SYNE1: variants seen among roughly 807,000 people sequenced by gnomAD.
SYNE1 encodes spectrin repeat containing nuclear envelope protein 1.
SYNE1 carries 616 observed loss-of-function variants against 1,111.0 expected under a neutral mutation model. The ratio of observed to expected loss-of-function variants is 0.55; its 90% CI spans 0.52 to 0.59. The LOEUF is 0.59. Ranked by LOEUF, SYNE1 falls within the 20% of genes least tolerant of loss-of-function variation. The pLI, the probability that SYNE1 is intolerant of heterozygous loss-of-function variation, is 0.00. For synonymous variants in SYNE1, 3,855 were observed against 3,825.8 expected (o/e 1.01, Z -0.28); for missense variants, 10,006 against 10,417.0 (o/e 0.96, Z 1.72).
intron 5 of SYNE1, among the ~76,000 whole-genome samples, chr6:152,524,165 G>A (rs558199064): frequency 1.3e-5 from 2 of 152,232 alleles, no homozygotes; most frequent in Admixed American, 1.3e-4. Context: ...TCCCCATTCA[G>A]TATGATGTTA....
intron 46 of SYNE1, among the ~76,000 whole-genome samples, chr6:152,403,995 C>T (rs2097856601): frequency 6.7e-6 from 1 of 150,094 alleles, no homozygotes; most frequent in Non-Finnish European, 1.5e-5. Context: ...ACATCGAGGA[C>T]ATATAAAGGA....
intron 108 of SYNE1, 113 bp downstream of exon 108, chr6:152,239,420 G>T: frequency 7.8e-7 from 1 of 1,275,376 alleles, no homozygotes; most frequent in Non-Finnish European, 1.1e-6. Flanking sequence ...CGAGAGCGCA[G>T]CTAGTTCTGA....
At chr6:152,424,498 C>CT (rs1386154785) in intron 39 of SYNE1, among the ~76,000 whole-genome samples, 1 of 152,104 alleles carries the variant, frequency 6.6e-6, no homozygotes, top group Non-Finnish European at 1.5e-5. Context: ...TCAAATGTCC[C>CT]TTTTTTTGAT....
intron 24 of SYNE1, among the ~76,000 whole-genome samples, chr6:152,454,929 TTGATA>T (rs1275839387): frequency 6.6e-6 from 1 of 152,156 alleles, no homozygotes; most frequent in Non-Finnish European, 1.5e-5. Context: ...ATTCCCAATA[TTGATA>T]TTGAGATGAT....
At chr6:152,464,471 C>T (rs2098752883) in intron 18 of SYNE1, among the ~76,000 whole-genome samples, 1 of 152,086 alleles carries the variant, frequency 6.6e-6, no homozygotes, top group Non-Finnish European at 1.5e-5. Flanking sequence ...TAGTTATTGC[C>T]TCCCTCAGCT....
chr6:152,133,738 G>A (rs2056404813), intron 142 of SYNE1: 1 of 550,142 alleles, frequency 1.8e-6, no homozygotes, highest in African/African-American at 1.9e-5. Flanking sequence ...CAGTATTATT[G>A]GAAGGTTCAA....
At chr6:152,316,009 T>C (rs573934494) in intron 87 of SYNE1, 1 of 152,360 alleles carries the variant, frequency 6.6e-6, no homozygotes, top group South Asian at 2.1e-4. Context: ...TCGATACCCA[T>C]GTAACTCCTA....
intron 58 of SYNE1, among the ~76,000 whole-genome samples, chr6:152,373,942 G>A (rs558661585): frequency 1.3e-5 from 2 of 152,340 alleles, no homozygotes; most frequent in South Asian, 4.1e-4. Flanking sequence ...CCAGGGACAA[G>A]ACTCGCAGAG....
intron 130 of SYNE1, among the ~76,000 whole-genome samples, chr6:152,173,466 G>A (rs769478966): frequency 3.3e-5 from 5 of 152,228 alleles, no homozygotes; most frequent in Non-Finnish European, 7.3e-5. Flanking sequence ...ATCAGCGCTG[G>A]AAGAGGCAAG....
intron 124 of SYNE1, among the ~76,000 whole-genome samples, chr6:152,211,047 T>C (rs2077431975): frequency 6.6e-6 from 1 of 152,220 alleles, no homozygotes; most frequent in Non-Finnish European, 1.5e-5. Flanking sequence ...GTGACCCTGG[T>C]CAAATCAGTT....
intron 3 of SYNE1, 102 bp from the exon 4 acceptor site, chr6:152,540,123 G>C: frequency 1.7e-6 from 2 of 1,185,610 alleles, no homozygotes; most frequent in Admixed American, 1.8e-5. Flanking sequence ...TCGTGAAATC[G>C]TTTTCTCATT....
rs370827602 is a variant in SYNE1, at chr6:152,133,293, C to A, written c.25984G>T (p.Val8662Leu). The A allele has an allele frequency of 2.5e-6, 4 of 1,614,022 alleles. No individual in the cohort carries two copies. The African/African-American group carries it at 5.3e-5, about 22-fold the overall frequency. ...HIKELEKLLD[V>L]SSSQQDLSSW... ...TTGCTTACCTGCTGACTACTTGACA[C>A]GTCTAATAACTTCTCCAGTTCCTTG... The change falls in exon 143 of 146, where the codon GTG (valine) becomes TTG (leucine). Residue 8662 changes from valine to leucine, a missense_variant. Val to Leu is a conservative substitution (Grantham distance 32, BLOSUM62 1). Coordinates refer to ENST00000367255, the MANE Select transcript of SYNE1 (RefSeq NM_182961.4).
intron 14 of SYNE1, among the ~76,000 whole-genome samples, chr6:152,474,224 T>G (rs1349219771): frequency 6.6e-6 from 1 of 152,082 alleles, no homozygotes; most frequent in Non-Finnish European, 1.5e-5. Flanking sequence ...ATGATGTCAC[T>G]GATTCCTCTG....
chr6:152,145,956 T>C (rs2747664), intron 137 of SYNE1: 101,947 of 271,250 alleles, frequency 0.38, 20,142 homozygotes, highest in African/African-American at 0.55. Flanking sequence ...ACCCGGGAGG[T>C]GGAGGTTGCA....
At chr6:152,368,928 C>G (rs114170035) in intron 61 of SYNE1, 44 bp downstream of exon 61, 6 of 1,613,064 alleles carry the variant, frequency 3.7e-6, no homozygotes, top group Middle Eastern at 3.3e-4. Context: ...TCCAATTTTG[C>G]GACATCAGTA....
chr6:152,169,418 T>C (rs986958804), intron 130 of SYNE1, among the ~76,000 whole-genome samples: 16 of 151,164 alleles, frequency 1.1e-4, no homozygotes, highest in Admixed American at 1.1e-3. Context: ...AAAAATTAGC[T>C]GGGCGTGGTG....
chr6:152,546,576 T>C (rs532253223), intron 3 of SYNE1: 2 of 152,308 alleles, frequency 1.3e-5, no homozygotes, highest in South Asian at 2.1e-4. Context: ...TGGTCTAAGA[T>C]CCTCGTGAAT....
intron 128 of SYNE1, among the ~76,000 whole-genome samples, chr6:152,184,188 C>T (rs970087781): frequency 1.3e-5 from 2 of 152,174 alleles, no homozygotes; most frequent in African/African-American, 4.8e-5. Flanking sequence ...ATTATCCCAG[C>T]ACTTTCGGAG....
In SYNE1 at chr6:152,308,360, G is replaced by A. The variant is rs377624765; in HGVS notation, c.17346+129C>T. The A allele has an allele frequency of 1.6e-5, 21 of 1,293,486 alleles. No individual in the cohort carries two copies. The African/African-American group carries it at 2.6e-4, about 16-fold the overall frequency. 80.1% of individuals were successfully genotyped at this position (1,293,486 alleles called of 1,614,324 possible). On this transcript the variant is annotated intron_variant, in intron 91 of 145. Coordinates refer to ENST00000367255, the MANE Select transcript of SYNE1 (RefSeq NM_182961.4). ...TCACAATGCTTAGATAGCCAAAGAG[G>A]CCTCTCAAGAGTTGAACACATTAAG...
Sources: gnomAD v4.1 joint callset for allele counts (sites outside exome capture counted in the v4.1 genomes callset) on GRCh38, gnomAD v4.1.1 for gene constraint, MANE v1.5 for transcripts, NCBI Gene and HGNC (gene_info 2026-07-23, HGNC 2026-07-21) for gene names.